The following WASF2 variants were observed in gnomAD, a reference collection of about 807,000 sequenced individuals.
The protein encoded by WASF2 is WASP family member 2.
WASF2 carries 14 observed loss-of-function variants against 45.0 expected under a neutral mutation model. The ratio of observed to expected loss-of-function variants is 0.31; its 90% CI spans 0.21 to 0.49. The LOEUF is 0.49. Ranked by LOEUF, WASF2 falls within the 20% of genes least tolerant of loss-of-function variation. The probability of loss-of-function intolerance (pLI) is 0.99; values close to 1 mark genes in which losing one functional copy is unlikely to be tolerated. For missense variants in WASF2, 439 were observed against 636.1 expected (o/e 0.69, Z 3.33); for synonymous variants, 200 against 236.3 (o/e 0.85, Z 1.41).
In WASF2 at chr1:27,405,546, A is replaced by G. The variant is rs1389118301; in HGVS notation, c.*2643T>C. ...TACATTACGTGAGTCCAAAAACAGG[A>G]TTACCTGCATTGGGTCCTTTATCAT... On this transcript the variant is annotated 3_prime_UTR_variant, in exon 9 of 9. Coordinates refer to ENST00000618852, the MANE Select transcript of WASF2 (RefSeq NM_006990.5). 6.2e-5 allele frequency: 9 copies of G among 144,774 alleles called. No individual in the cohort carries two copies. Among genetic ancestry groups the G allele is most frequent in the African/African-American group, 2.1e-4 (8 of 38,656 alleles). The allele number at this position is 144,774 out of a possible 1,614,324, so 9.0% of individuals were successfully genotyped here.
chr1:27,457,607 A>C (rs544206074), intron 1 of WASF2, among the ~76,000 whole-genome samples: 30 of 152,074 alleles, frequency 2.0e-4, no homozygotes, highest in African/African-American at 6.0e-4. Flanking sequence ...TCTGGGATTC[A>C]ACAATATTGT....
chr1:27,448,368 G>A (rs1375564480), intron 1 of WASF2, among the ~76,000 whole-genome samples: 4 of 152,122 alleles, frequency 2.6e-5, no homozygotes, highest in Non-Finnish European at 4.4e-5. Flanking sequence ...TGACTAGATC[G>A]TACTCAAAGC....
At chr1:27,424,530 AT>A (rs55717236) in intron 2 of WASF2, among the ~76,000 whole-genome samples, 4 of 149,742 alleles carry the variant, frequency 2.7e-5, no homozygotes, top group African/African-American at 9.8e-5. Flanking sequence ...ACCTTCAACA[AT>A]TTTTTTTTTT....
rs1262315343 is a variant in WASF2 at position 27,409,728 on chromosome 1, C to T, written c.1303G>A (p.Asp435Asn). 3 of 1,510,972 alleles carry T rather than the reference C, an allele frequency of 2.0e-6. No individual in the cohort carries two copies. The highest frequency in any genetic ancestry group is 2.3e-5 in the Admixed American group (1 of 44,016). 93.6% of individuals were successfully genotyped at this position (1,510,972 alleles called of 1,614,324 possible). A position where few individuals can be genotyped will look rare whatever the true frequency, so the allele number is the denominator to read the frequency against. ...GCTGAAAGCAGGTCGCTACGGGCAT[C>T]GCTCACGGCAGGCAAGGAGGACTTG... is the stretch of plus-strand genomic sequence containing the variant. ...KPKSSLPAVS[D>N]ARSDLLSAIR... is the part of the protein sequence containing the mutation. The change falls in exon 8 of 9, where the codon GAT (aspartate) becomes AAT (asparagine). Residue 435 changes from aspartate (D) to asparagine (N), a missense_variant. Physicochemically the swap from Asp to Asn is conservative, Grantham distance 23 (BLOSUM62 1). Coordinates refer to ENST00000618852, the MANE Select transcript of WASF2 (RefSeq NM_006990.5).
chr1:27,460,908 G>A (rs1331271734), intron 1 of WASF2, among the ~76,000 whole-genome samples: 3 of 152,218 alleles, frequency 2.0e-5, no homozygotes, highest in Non-Finnish European at 4.4e-5. Flanking sequence ...GGAGGCCGAG[G>A]TGGGTGGATT....
intron 1 of WASF2, among the ~76,000 whole-genome samples, chr1:27,477,979 T>C (rs1437430032): frequency 6.7e-6 from 1 of 149,680 alleles, no homozygotes; most frequent in Non-Finnish European, 1.5e-5. Flanking sequence ...AGGCCGGGTG[T>C]AGTGGCTCAT....
intron 1 of WASF2, among the ~76,000 whole-genome samples, chr1:27,449,507 G>A (rs2017354134): frequency 6.6e-6 from 1 of 151,778 alleles, no homozygotes. Context: ...GTTGAGGCAG[G>A]AGAATCACCT....
rs575244914 is a variant in WASF2, at chr1:27,427,056, T to C, written c.130+1705A>G. 4.6e-5 allele frequency among the ~76,000 whole-genome samples: 7 copies of C among 152,308 alleles called. No individual in the cohort carries two copies. In the East Asian group the frequency reaches 1.3e-3, roughly 29 times the overall value. The stretch of plus-strand genomic sequence containing the variant: ...TATGAGTCCTGGAGGGCAGAGACAA[T>C]TTCTTATTATTGCCTCTTATTCTTA... On this transcript the variant is annotated intron_variant, in intron 2 of 8. Transcript: ENST00000618852.
chr1:27,445,882 T>C (rs1262250730), intron 1 of WASF2, among the ~76,000 whole-genome samples: 1 of 151,930 alleles, frequency 6.6e-6, no homozygotes, highest in Admixed American at 6.6e-5. Flanking sequence ...CATCTTCTTT[T>C]ACAATGAACT....
At position 27,420,244 on chromosome 1, in the gene WASF2, A is replaced by G. The variant is rs921887103; in HGVS notation, c.131-1156T>C. Among the ~76,000 whole-genome samples, 9 of 152,262 alleles carry G rather than the reference A, an allele frequency of 5.9e-5. No homozygotes were observed. In the South Asian group the frequency reaches 1.0e-3, roughly 18 times the overall value. On this transcript the variant is annotated intron_variant, in intron 2 of 8. Coordinates refer to ENST00000618852, the MANE Select transcript of WASF2 (RefSeq NM_006990.5). ...CTTTCAAAGTCTGCTCTAGGTTACAATCCTTCAAATCTACATCTCAGGAAC... is the reference window on the plus strand; with the variant it reads ...CTTTCAAAGTCTGCTCTAGGTTACAGTCCTTCAAATCTACATCTCAGGAAC...
intron 5 of WASF2, among the ~76,000 whole-genome samples, chr1:27,415,265 A>C (rs1450380847): frequency 7.9e-5 from 12 of 152,264 alleles, no homozygotes. Context: ...GTTAGTAAAC[A>C]GCTATTTATT....
At chr1:27,425,613 C>A (rs1246170044) in intron 2 of WASF2, among the ~76,000 whole-genome samples, 1 of 152,062 alleles carries the variant, frequency 6.6e-6, no homozygotes, top group East Asian at 1.9e-4. Flanking sequence ...CCCAGGTGGG[C>A]GGATCACGAG....
chr1:27,435,779 G>C (rs1197604109), intron 1 of WASF2, among the ~76,000 whole-genome samples: 3 of 152,164 alleles, frequency 2.0e-5, no homozygotes, highest in Non-Finnish European at 2.9e-5. Context: ...ATAGATGACT[G>C]CTCATTCTTC....
chr1:27,430,359 CTTA>C (rs1424496614), intron 1 of WASF2, among the ~76,000 whole-genome samples: 2 of 151,902 alleles, frequency 1.3e-5, no homozygotes, highest in Non-Finnish European at 2.9e-5. Context: ...AATTTTTTTT[CTTA>C]TTTTTTATTC....
chr1:27,458,848 G>A lies in WASF2; in HGVS notation c.-43-29915C>T, dbSNP rs536699544. ...TAAAAAATTGTAAAAATTGGCAGCC[G>A]AGCGCAGAGGCTCATGCCTGTAATC... On this transcript the variant is annotated intron_variant, in intron 1 of 8. Coordinates refer to ENST00000618852, the MANE Select transcript of WASF2 (RefSeq NM_006990.5). Among the ~76,000 whole-genome samples the A allele has an allele frequency of 6.6e-4, 100 of 151,726 alleles. 1 individual carries two copies. The South Asian group carries it at 0.015, about 22-fold the overall frequency.
intron 2 of WASF2, among the ~76,000 whole-genome samples, chr1:27,419,901 A>T (rs537591280): frequency 6.6e-6 from 1 of 152,068 alleles, no homozygotes; most frequent in South Asian, 2.1e-4. Flanking sequence ...TTTATAACTT[A>T]TAATTTTTTT....
At chr1:27,470,681 G>T (rs2017676473) in intron 1 of WASF2, among the ~76,000 whole-genome samples, 1 of 151,408 alleles carries the variant, frequency 6.6e-6, no homozygotes, top group Non-Finnish European at 1.5e-5. Flanking sequence ...GGGGAGTGGG[G>T]TGGGCAGGAG....
chr1:27,487,437 A>G (rs1309775647), intron 1 of WASF2, among the ~76,000 whole-genome samples: 1 of 125,140 alleles, frequency 8.0e-6, no homozygotes, highest in East Asian at 2.0e-4. Context: ...TATTTAATAT[A>G]TATACAAATA....
chr1:27,483,901 A>C (rs1436605291), intron 1 of WASF2, among the ~76,000 whole-genome samples: 2 of 151,922 alleles, frequency 1.3e-5, no homozygotes, highest in African/African-American at 4.8e-5. Flanking sequence ...GGCTGCAGTG[A>C]GTGAGCTGTG....
Sources: gnomAD v4.1 joint callset for allele counts (sites outside exome capture counted in the v4.1 genomes callset) on GRCh38, gnomAD v4.1.1 for gene constraint, MANE v1.5 for transcripts, NCBI Gene and HGNC (gene_info 2026-07-23, HGNC 2026-07-21) for gene names.